WLS: variants seen among roughly 807,000 people sequenced by gnomAD.
WLS encodes Wnt ligand secretion mediator, also known as protein wntless homolog.
Under a neutral mutation model 62.8 loss-of-function variants are expected in WLS, and 23 were observed. The observed-to-expected ratio is 0.37, with a 90% CI of 0.26 to 0.52. WLS has a LOEUF of 0.52. WLS is among the 20% of genes least tolerant of loss of function. The pLI is 0.92. For missense variants in WLS, 615 were observed against 697.3 expected (o/e 0.88, Z 1.33); for synonymous variants, 246 against 244.1 (o/e 1.01, Z -0.07).
intron 1 of WLS, among the ~76,000 whole-genome samples, chr1:68,231,178 G>A (rs1051533270): frequency 1.3e-5 from 2 of 152,188 alleles, no homozygotes; most frequent in African/African-American, 4.8e-5. Flanking sequence ...GATGCAGATG[G>A]GGAGACAGTG....
chr1:68,168,239 G>A (rs1164170893), intron 2 of WLS, among the ~76,000 whole-genome samples: 1 of 152,112 alleles, frequency 6.6e-6, no homozygotes, highest in Non-Finnish European at 1.5e-5. Flanking sequence ...AAGGCCACTA[G>A]AGCCTTAATT....
At chr1:68,112,288 T>TG (rs1489427356) in intron 11 of WLS, among the ~76,000 whole-genome samples, 1 of 152,210 alleles carries the variant, frequency 6.6e-6, no homozygotes, top group Non-Finnish European at 1.5e-5. Flanking sequence ...ACCTACTGGC[T>TG]GGACCCTCTC....
At chr1:68,118,019 A>C (rs549541445) in intron 11 of WLS, among the ~76,000 whole-genome samples, 1 of 152,282 alleles carries the variant, frequency 6.6e-6, no homozygotes, top group South Asian at 2.1e-4. Flanking sequence ...TGGGTGACCT[A>C]TTATCTTAGG....
At chr1:68,178,260 T>G (rs1457281729) in intron 2 of WLS, among the ~76,000 whole-genome samples, 1 of 152,230 alleles carries the variant, frequency 6.6e-6, no homozygotes, top group Non-Finnish European at 1.5e-5. Context: ...CTTAATGCAC[T>G]GAACACACTG....
At chr1:68,232,162 AG>A in intron 1 of WLS, 31 bp downstream of exon 1, 1 of 1,613,348 alleles carries the variant, frequency 6.2e-7, no homozygotes, top group Non-Finnish European at 8.5e-7. Context: ...AAAGACAGAA[AG>A]GGGGAAAAGT....
intron 1 of WLS, among the ~76,000 whole-genome samples, chr1:68,204,305 T>G (rs1236519226): frequency 6.6e-6 from 1 of 152,234 alleles, no homozygotes; most frequent in Non-Finnish European, 1.5e-5. Flanking sequence ...ATTCACATTC[T>G]TAGGAATTAT....
intron 1 of WLS, among the ~76,000 whole-genome samples, chr1:68,217,189 A>G (rs1246845270): frequency 1.3e-5 from 2 of 152,128 alleles, no homozygotes; most frequent in African/African-American, 4.8e-5. Context: ...TTAACTACTG[A>G]CCCTTACTCT....
intron 11 of WLS, among the ~76,000 whole-genome samples, chr1:68,106,256 C>T (rs930435442): frequency 5.9e-5 from 9 of 152,218 alleles, no homozygotes; most frequent in Admixed American, 2.6e-4. Flanking sequence ...GCAAGGCAGC[C>T]GGACTCAATG....
chr1:68,136,015 G>A (rs1408800706), intron 11 of WLS, among the ~76,000 whole-genome samples: 1 of 152,198 alleles, frequency 6.6e-6, no homozygotes, highest in South Asian at 2.1e-4. Context: ...CCAGAGATGG[G>A]CTTGAAACTG....
chr1:68,192,758 C>A, intron 2 of WLS, among the ~76,000 whole-genome samples: 1 of 54,424 alleles, frequency 1.8e-5, no homozygotes, highest in Non-Finnish European at 3.3e-5. Context: ...ACATAGGAGA[C>A]TCTGTCTCTT....
At chr1:68,185,198 C>G (rs1030168131) in intron 2 of WLS, among the ~76,000 whole-genome samples, 1 of 152,202 alleles carries the variant, frequency 6.6e-6, no homozygotes, top group Non-Finnish European at 1.5e-5. Flanking sequence ...CTGCTCCCCA[C>G]TTCAGATGCC....
intron 11 of WLS, among the ~76,000 whole-genome samples, chr1:68,131,948 C>T (rs1329889676): frequency 6.6e-6 from 1 of 152,178 alleles, no homozygotes; most frequent in East Asian, 1.9e-4. Flanking sequence ...AAGAAACCCA[C>T]GTTGGTGATA....
In WLS at chr1:68,153,611, T is replaced by C. The variant is rs1429125754; in HGVS notation, c.709A>G (p.Met237Val). 16 of 1,614,120 alleles carry C rather than the reference T, an allele frequency of 9.9e-6. No individual in the cohort carries two copies. Among genetic ancestry groups the C allele is most frequent in the Non-Finnish European group, 9.3e-6 (11 of 1,180,044 alleles). ...ATGCTGGGCGTAAGGAAGGTCTTCA[T>C]GGCAAACCACACCTTGGTGAAGCCT... ...NGGFTKVWFA[M>V]KTFLTPSIFI... is the part of the protein sequence containing the mutation. The change falls in exon 5 of 12, where the codon ATG becomes GTG. Residue 237 changes from methionine (M) to valine (V), a missense_variant. By Grantham distance (21) the Met-to-Val change is conservative (BLOSUM62 1). Coordinates refer to ENST00000262348, the MANE Select transcript of WLS (RefSeq NM_024911.7).
chr1:68,181,545 TATC>T (rs1263534067), intron 2 of WLS, among the ~76,000 whole-genome samples: 1 of 152,192 alleles, frequency 6.6e-6, no homozygotes, highest in Non-Finnish European at 1.5e-5. Context: ...ATTGAAAATA[TATC>T]ATTTTAGAAA....
At chr1:68,204,967 A>G (rs1006111971) in intron 1 of WLS, among the ~76,000 whole-genome samples, 1 of 152,270 alleles carries the variant, frequency 6.6e-6, no homozygotes, top group Non-Finnish European at 1.5e-5. Flanking sequence ...AGTCCTCCAG[A>G]CCTGAACTGA....
At chr1:68,114,950 G>A (rs1468400413) in intron 11 of WLS, among the ~76,000 whole-genome samples, 5 of 152,218 alleles carry the variant, frequency 3.3e-5, no homozygotes, top group East Asian at 1.9e-4. Flanking sequence ...TGGGGCAGTC[G>A]TAGAAGGCTC....
rs551751464 is a variant in WLS at position 68,100,949 on chromosome 1, A to C, written c.1511-2196T>G. 1.7e-3 allele frequency among the ~76,000 whole-genome samples: 256 copies of C among 152,176 alleles called. 6 individuals are homozygous for C. Among genetic ancestry groups the C allele is most frequent in the Non-Finnish European group, 9.3e-4 (63 of 68,008 alleles). On this transcript the variant is annotated intron_variant, in intron 11 of 11. Transcript: ENST00000354777. ...TTTACTATGTATGCGAGCATCCCCC[A>C]CTTCCTAAATATTTATTGCCCCCTG... is the stretch of plus-strand genomic sequence containing the variant.
chr1:68,199,894 C>T (rs1217058389), intron 1 of WLS, among the ~76,000 whole-genome samples: 1 of 152,068 alleles, frequency 6.6e-6, no homozygotes, highest in East Asian at 1.9e-4. Flanking sequence ...GTCCTATTCC[C>T]ACAAATGGCC....
chr1:68,177,983 A>G (rs1419785477), intron 2 of WLS, among the ~76,000 whole-genome samples: 1 of 152,250 alleles, frequency 6.6e-6, no homozygotes, highest in East Asian at 1.9e-4. Context: ...CTCATAATTT[A>G]TAAGCAGCAG....
Sources: allele counts gnomAD v4.1 joint callset (sites outside exome capture counted in the v4.1 genomes callset), GRCh38; gene constraint gnomAD v4.1.1; transcripts MANE v1.5; gene names NCBI Gene and HGNC (gene_info 2026-07-23, HGNC 2026-07-21).